The following KLHL13 variants were observed in gnomAD, a reference collection of about 807,000 sequenced individuals.
KLHL13 encodes the protein kelch like family member 13, also known as kelch-like protein 13.
A neutral mutation model predicts 37.1 loss-of-function variants in KLHL13; 10 were observed. That is an observed-to-expected ratio of 0.27 (90% CI 0.17 to 0.46). KLHL13 has a LOEUF of 0.46. KLHL13 is among the 20% of genes least tolerant of loss of function. The probability of loss-of-function intolerance (pLI) is 1.00; values close to 1 mark genes in which losing one functional copy is unlikely to be tolerated. For missense variants in KLHL13, 360 were observed against 509.3 expected, an observed-to-expected ratio of 0.71 and a Z score of 2.82; for synonymous variants, 163 against 181.2, an observed-to-expected ratio of 0.90 and a Z score of 0.81.
chrX:117,964,829 C>A (rs1208977654), intron 1 of KLHL13, among the ~76,000 whole-genome samples: 1 of 110,796 alleles, frequency 9.0e-6, no homozygotes, highest in Non-Finnish European at 1.9e-5. Context: ...TGAGTGAGAA[C>A]ATGCAGTGTT....
At chrX:117,902,130 T>C (rs1277179219) in intron 5 of KLHL13, among the ~76,000 whole-genome samples, 184 bp from the exon 7 acceptor site, 2 of 111,267 alleles carry the variant, frequency 1.8e-5, no homozygotes, top group Admixed American at 1.9e-4. Context: ...ATTAATAATA[T>C]AAACCATTAG....
At chrX:118,008,088 C>T (rs1213057238) in intron 1 of KLHL13, among the ~76,000 whole-genome samples, 1 of 111,445 alleles carries the variant, frequency 9.0e-6, no homozygotes, top group African/African-American at 3.3e-5. Context: ...CACATTAAGG[C>T]TCTGAATTAT....
chrX:117,983,589 A>G lies in KLHL13; in HGVS notation c.-55-38014T>C, dbSNP rs1318131312. 13 of 930,720 alleles carry G rather than the reference A, an allele frequency of 1.4e-5. No homozygotes were observed. The Admixed American group carries it at 3.3e-4, about 24-fold the overall frequency. 76.7% of individuals were successfully genotyped at this position (930,720 alleles called of 1,213,427 possible). On this transcript the variant is annotated intron_variant, in intron 1 of 6. Transcript: ENST00000371882. ...AAGAAACCTGGTTAATTGTAGTTTT[A>G]TTATATTTAGTTCAAATTTTTCAAA...
At chrX:117,942,363 G>A (rs1602576975) in intron 2 of KLHL13, among the ~76,000 whole-genome samples, 1 of 111,393 alleles carries the variant, frequency 9.0e-6, no homozygotes. Flanking sequence ...CTAGAGCTGA[G>A]TTCAAGTCCT....
chrX:117,903,179 C>CGAGAGAGAGAGAGAGAGAGA (rs56692141), intron 5 of KLHL13, among the ~76,000 whole-genome samples: 17 of 92,294 alleles, frequency 1.8e-4, no homozygotes, highest in African/African-American at 7.1e-4. Flanking sequence ...GAGAGGAGAG[C>CGAGAGAGAGAGAGAGAGAGA]GAGAGAGAGA....
At chrX:117,902,991 C>T (rs1367956666) in intron 5 of KLHL13, among the ~76,000 whole-genome samples, 1 of 110,150 alleles carries the variant, frequency 9.1e-6, no homozygotes, top group Non-Finnish European at 1.9e-5. Context: ...TGGGCAGCGA[C>T]GGGTAAGCAG....
At chrX:117,985,433 A>G in intron 1 of KLHL13, 1 of 879,268 alleles carries the variant, frequency 1.1e-6, no homozygotes, top group Non-Finnish European at 1.4e-6. Flanking sequence ...AAGCAGAAAC[A>G]GGCTTTATAT....
intron 1 of KLHL13, among the ~76,000 whole-genome samples, chrX:118,026,379 G>A (rs951599174): frequency 3.6e-5 from 4 of 111,693 alleles, no homozygotes; most frequent in Non-Finnish European, 7.5e-5. Context: ...TAAACTCATA[G>A]TAATGTGTTA....
At chrX:117,978,793 C>CTTTTTTTTTTTTTT (rs35977053) in intron 1 of KLHL13, among the ~76,000 whole-genome samples, 1 of 83,651 alleles carries the variant, frequency 1.2e-5, no homozygotes, top group African/African-American at 4.5e-5. Context: ...TATGGCTTTT[C>CTTTTTTTTTTTTTT]TTTTTTTTTT....
At chrX:118,063,115 C>A (rs2054759314) in intron 1 of KLHL13, among the ~76,000 whole-genome samples, 1 of 111,233 alleles carries the variant, frequency 9.0e-6, no homozygotes, top group Non-Finnish European at 1.9e-5. Flanking sequence ...TGCAGAGAGA[C>A]TAGTTAGAAT....
chrX:117,932,457 TATTTC>T (rs1189578437), intron 2 of KLHL13, among the ~76,000 whole-genome samples: 2 of 111,335 alleles, frequency 1.8e-5, no homozygotes, highest in African/African-American at 6.6e-5. Context: ...TTGCCTGATT[TATTTC>T]ACTTAACATA....
intron 1 of KLHL13, among the ~76,000 whole-genome samples, chrX:117,949,802 T>G (rs1933494847): frequency 8.9e-6 from 1 of 112,324 alleles, no homozygotes; most frequent in Non-Finnish European, 1.9e-5. Context: ...AGGGAACATT[T>G]TGGTGCTTCT....
chrX:117,998,421 T>C (rs1466144593), intron 1 of KLHL13, among the ~76,000 whole-genome samples: 2 of 109,513 alleles, frequency 1.8e-5, no homozygotes, highest in Non-Finnish European at 3.8e-5. Context: ...TGACAGAGGG[T>C]TGGAATAACA....
intron 1 of KLHL13, among the ~76,000 whole-genome samples, chrX:118,037,536 T>C (rs1197994591): frequency 2.9e-5 from 3 of 104,776 alleles, no homozygotes; most frequent in African/African-American, 7.0e-5. Context: ...TAGGTGGGAA[T>C]TGAACAATGA....
At chrX:118,057,818 T>C (rs1392285735) in intron 1 of KLHL13, among the ~76,000 whole-genome samples, 2 of 106,799 alleles carry the variant, frequency 1.9e-5, no homozygotes, top group African/African-American at 6.9e-5. Context: ...AGAGCGAGAG[T>C]CCATTTCAAA....
intron 1 of KLHL13, among the ~76,000 whole-genome samples, chrX:118,026,042 T>C (rs753267382): frequency 2.7e-5 from 3 of 111,822 alleles, no homozygotes; most frequent in Admixed American, 9.5e-5. Flanking sequence ...AAAGGGGGAC[T>C]ACTGTATACA....
chrX:118,043,134 C>T (rs370619153), intron 1 of KLHL13, among the ~76,000 whole-genome samples: 1 of 110,977 alleles, frequency 9.0e-6, no homozygotes, highest in Non-Finnish European at 1.9e-5. Flanking sequence ...ATTGGAAAAT[C>T]GAGAATAAAT....
chrX:118,004,866 C>T (rs963877210), intron 1 of KLHL13, among the ~76,000 whole-genome samples: 3 of 111,408 alleles, frequency 2.7e-5, no homozygotes, highest in African/African-American at 9.8e-5. Context: ...CTGTGCAATT[C>T]CTGCTGAAGA....
intron 1 of KLHL13, among the ~76,000 whole-genome samples, chrX:118,071,251 T>C (rs1483098234): frequency 1.8e-5 from 2 of 111,811 alleles, no homozygotes; most frequent in East Asian, 2.8e-4. Context: ...GCATGATTTA[T>C]AGTCCTTTGG....
Sources: gnomAD v4.1 joint callset for allele counts (sites outside exome capture counted in the v4.1 genomes callset) on GRCh38, gnomAD v4.1.1 for gene constraint, MANE v1.5 for transcripts, NCBI Gene and HGNC (gene_info 2026-07-23, HGNC 2026-07-21) for gene names.